ADTRP: variants seen among roughly 807,000 people sequenced by gnomAD.
ADTRP encodes the protein androgen dependent TFPI regulating protein.
In ADTRP, 20 loss-of-function variants were observed where a neutral mutation model predicts 27.0. The observed-to-expected ratio is 0.74, with a 90% CI of 0.52 to 1.08. ADTRP has a LOEUF of 1.08. Ranked by LOEUF, ADTRP falls within the 50% of genes least tolerant of loss-of-function variation. ADTRP has a pLI of 0.00. For synonymous variants in ADTRP, 101 were observed against 105.2 expected, an observed-to-expected ratio of 0.96 and a Z score of 0.25; for missense variants, 251 against 275.0, an observed-to-expected ratio of 0.91 and a Z score of 0.62.
Position 11,723,467 on chromosome 6 carries a change from C to G in ADTRP, c.540G>C (p.Trp180Cys), listed in dbSNP as rs764093466. Residue 180 changes from tryptophan to cysteine, a missense_variant, in exon 5 of 6, where the codon TGG becomes TGC. Coordinates refer to ENST00000414691, the MANE Select transcript of ADTRP (RefSeq NM_032744.4). ...TGAGTTTGGCAAACACAGGATACAC[C>G]CAGGTACCCGTCTCAAAGTAGAGCC... ...ILWLYFETGT[W>C]VYPVFAKLSL... 7 of 1,614,060 alleles carry G rather than the reference C, an allele frequency of 4.3e-6. No homozygotes were observed. The Admixed American group carries it at 8.3e-5, about 19-fold the overall frequency.
At chr6:11,728,917 G>A (rs1762300325) in intron 4 of ADTRP, among the ~76,000 whole-genome samples, 1 of 152,100 alleles carries the variant, frequency 6.6e-6, no homozygotes, top group Admixed American at 6.5e-5. Context: ...ACTTTGAAGA[G>A]GCCAATGACG....
In ADTRP at chr6:11,766,324, A is replaced by T. The variant is rs1763571259; in HGVS notation, c.340T>A (p.Tyr114Asn). The T allele has an allele frequency of 6.2e-7, 1 of 1,613,040 alleles. No individual in the cohort carries two copies. The highest frequency in any genetic ancestry group is 1.3e-5 in the African/African-American group (1 of 74,916). The stretch of plus-strand genomic sequence containing the variant: ...ATGACAGTATCTAGGACCTTGGGGT[A>T]AATGAGATCTCGATTGTAGAGAAAG... ...ILFLYNRDLI[Y>N]PKVLDTVIPV... is the part of the protein sequence containing the mutation. Residue 114 changes from tyrosine to asparagine, a missense_variant, in exon 3 of 6, where the codon TAC (tyrosine) becomes AAC (asparagine). Tyr to Asn is a moderately radical substitution (Grantham distance 143). Coordinates refer to ENST00000414691, the MANE Select transcript of ADTRP (RefSeq NM_032744.4).
At chr6:11,768,977 G>C (rs1203153384) in intron 1 of ADTRP, among the ~76,000 whole-genome samples, 1 of 152,090 alleles carries the variant, frequency 6.6e-6, no homozygotes, top group Non-Finnish European at 1.5e-5. Flanking sequence ...CAATCTGGCC[G>C]TGGCAGCAAT....
At chr6:11,754,133 C>A (rs1198526824) in intron 3 of ADTRP, among the ~76,000 whole-genome samples, 1 of 152,206 alleles carries the variant, frequency 6.6e-6, no homozygotes, top group East Asian at 1.9e-4. Flanking sequence ...TTTGAGCAGA[C>A]CTTTTACTCA....
intron 3 of ADTRP, among the ~76,000 whole-genome samples, chr6:11,752,183 T>G (rs1763077965): frequency 6.6e-6 from 1 of 152,238 alleles, no homozygotes; most frequent in Non-Finnish European, 1.5e-5. Flanking sequence ...ATTTTAGTTT[T>G]GGGAATTTCC....
intron 3 of ADTRP, among the ~76,000 whole-genome samples, chr6:11,755,323 T>C (rs1415815286): frequency 6.6e-6 from 1 of 152,148 alleles, no homozygotes; most frequent in Non-Finnish European, 1.5e-5. Context: ...CACTGAATAA[T>C]GGAATTTTAA....
At chr6:11,755,014 T>C in intron 3 of ADTRP, 1 of 983,990 alleles carries the variant, frequency 1.0e-6, no homozygotes, top group Middle Eastern at 5.2e-4. Flanking sequence ...AGATTTAGGA[T>C]CTTCTGTTAT....
At chr6:11,744,869 A>G (rs1363175135) in intron 3 of ADTRP, among the ~76,000 whole-genome samples, 1 of 152,202 alleles carries the variant, frequency 6.6e-6, no homozygotes, top group East Asian at 1.9e-4. Flanking sequence ...TTCGTTTCCA[A>G]TATCTCATCA....
intron 5 of ADTRP, among the ~76,000 whole-genome samples, chr6:11,721,025 C>T (rs1476542849): frequency 6.6e-6 from 1 of 152,150 alleles, no homozygotes; most frequent in Non-Finnish European, 1.5e-5. Flanking sequence ...GTAAGACACC[C>T]GAGGTCTAGT....
chr6:11,765,328 T>TTA (rs1338325252), intron 3 of ADTRP, among the ~76,000 whole-genome samples: 2 of 142,808 alleles, frequency 1.4e-5, no homozygotes, highest in Non-Finnish European at 3.1e-5. Flanking sequence ...GGTTTGTTTT[T>TTA]TTTTTTTTTT....
At chr6:11,752,019 A>T (rs1420211070) in intron 3 of ADTRP, among the ~76,000 whole-genome samples, 1 of 152,126 alleles carries the variant, frequency 6.6e-6, no homozygotes, top group Non-Finnish European at 1.5e-5. Context: ...GGTAGATGAG[A>T]GTGGTTTCAG....
Position 11,735,590 on chromosome 6 carries a change from C to T in ADTRP, c.484G>A (p.Ala162Thr). ...KKTGLTLLAA[A>T]SIAYISRILW... Reference sequence around the variant, plus strand: ...TACCGGCTGATGTAAGCAATGCTGGCAGCAGCCAGCAAGGTGAGTCCTGTC... The same window carrying T: ...TACCGGCTGATGTAAGCAATGCTGGTAGCAGCCAGCAAGGTGAGTCCTGTC... The change falls in exon 4 of 6, where the codon GCC becomes ACC. Residue 162 changes from alanine (A) to threonine (T), a missense_variant. Transcript: ENST00000414691. The T allele has an allele frequency of 6.2e-7, 1 of 1,613,730 alleles. No homozygotes were observed. The highest frequency in any genetic ancestry group is 8.5e-7 in the Non-Finnish European group (1 of 1,179,724).
At chr6:11,727,821 GTGAA>G (rs758723676) in intron 4 of ADTRP, among the ~76,000 whole-genome samples, 80 of 152,146 alleles carry the variant, frequency 5.3e-4, no homozygotes, top group Non-Finnish European at 9.7e-4. Context: ...GCAGAGAGGC[GTGAA>G]TGAGGACAGA....
At chr6:11,743,931 G>A (rs980900115) in intron 3 of ADTRP, among the ~76,000 whole-genome samples, 7 of 152,260 alleles carry the variant, frequency 4.6e-5, no homozygotes, top group East Asian at 3.9e-4. Flanking sequence ...TAAATGGCAC[G>A]CCAAAGCTTG....
At chr6:11,776,641 T>A (rs1763962326) in intron 1 of ADTRP, among the ~76,000 whole-genome samples, 3 of 152,052 alleles carry the variant, frequency 2.0e-5, no homozygotes, top group African/African-American at 7.2e-5. Flanking sequence ...AAAGAAGCAA[T>A]GTGGTGGAGA....
At chr6:11,749,598 G>A (rs777389562) in intron 3 of ADTRP, among the ~76,000 whole-genome samples, 19 of 152,050 alleles carry the variant, frequency 1.2e-4, no homozygotes, top group Non-Finnish European at 8.8e-5. Flanking sequence ...AGCGGAAACC[G>A]AGGTAGGAGA....
intron 3 of ADTRP, among the ~76,000 whole-genome samples, chr6:11,763,453 C>G (rs781773923): frequency 6.6e-6 from 1 of 152,014 alleles, no homozygotes; most frequent in Non-Finnish European, 1.5e-5. Flanking sequence ...ATGGCACTGG[C>G]GATGGAAGGC....
intron 5 of ADTRP, chr6:11,717,187 C>T: frequency 2.2e-5 from 22 of 995,510 alleles, no homozygotes; most frequent in South Asian, 1.5e-4. Flanking sequence ...AGCATTTTTC[C>T]CAGTAGAAAG....
intron 5 of ADTRP, among the ~76,000 whole-genome samples, chr6:11,718,445 AG>A (rs1457961650): frequency 1.7e-5 from 2 of 114,336 alleles, no homozygotes; most frequent in Non-Finnish European, 4.5e-5. Context: ...CAATCATCAA[AG>A]AAAAAAAAGA....
Sources: gnomAD v4.1 joint callset for allele counts (sites outside exome capture counted in the v4.1 genomes callset) on GRCh38, gnomAD v4.1.1 for gene constraint, MANE v1.5 for transcripts, NCBI Gene and HGNC (gene_info 2026-07-23, HGNC 2026-07-21) for gene names.